Variants in UBR1 observed in about 807,000 individuals in gnomAD.
UBR1 encodes the protein ubiquitin protein ligase E3 component n-recognin 1.
Under a neutral mutation model 242.1 loss-of-function variants are expected in UBR1, and 102 were observed. That is an observed-to-expected ratio of 0.42 (90% confidence interval 0.36 to 0.50). The LOEUF (loss-of-function observed/expected upper bound fraction) is 0.50. Among genes scored for constraint, UBR1 ranks in the 20% least tolerant of loss-of-function variants. The pLI is 0.01. For synonymous variants in UBR1, 675 were observed against 684.8 expected (o/e 0.99, Z 0.22); for missense variants, 1,772 against 2,101.8 (o/e 0.84, Z 3.07).
chr15:43,054,744 T>C lies in UBR1; in HGVS notation c.1437A>G (p.Leu479=). 6.2e-7 allele frequency: 1 copy of C among 1,614,084 alleles called. No homozygotes were observed. Among genetic ancestry groups the C allele is most frequent in the Non-Finnish European group, 8.5e-7 (1 of 1,179,996 alleles). The change falls in exon 12 of 47, where the codon CTA becomes CTG. Residue 479 remains leucine (L), a splice_region_variant and synonymous_variant. Coordinates refer to ENST00000290650, the MANE Select transcript of UBR1 (RefSeq NM_174916.3). Reference sequence around the variant, plus strand: ...ACCTTTTGACTTGAACAACTTACTTTAGGTCACATATTACTGCATATACTC... The same window carrying C: ...ACCTTTTGACTTGAACAACTTACTTCAGGTCACATATTACTGCATATACTC... ...LGRVYAVICD[L]KYILISKPTI...
chr15:42,946,381 C>T (rs2141245979), intron 46 of UBR1, among the ~76,000 whole-genome samples: 1 of 152,280 alleles, frequency 6.6e-6, no homozygotes, highest in Non-Finnish European at 1.5e-5. Context: ...CCGCCTCGGC[C>T]TCCCAAAGTG....
chr15:43,034,888 CAAAA>C (rs201319494), intron 19 of UBR1, among the ~76,000 whole-genome samples: 119 of 91,716 alleles, frequency 1.3e-3, no homozygotes, highest in African/African-American at 2.2e-3. Context: ...ACGCCATCTC[CAAAA>C]AAAAAAAAAA....
In UBR1 at chr15:42,977,682, CT is replaced by C. The variant is rs201655415; in HGVS notation, c.4218+197del. Among the ~76,000 whole-genome samples the C allele has an allele frequency of 0.066, 8,162 of 124,034 alleles. 338 individuals are homozygous for C. The highest frequency in any genetic ancestry group is 0.14 in the African/African-American group (4,906 of 34,384). The allele number at this position is 124,034 out of a possible 152,430, so 81.4% of individuals were successfully genotyped here. A position where few individuals can be genotyped will look rare whatever the true frequency, so the allele number is the denominator to read the frequency against. ...ACAAGACCTATTACAAATTGAAGTG[CT>C]TTTTTTTTTTTTTTTTAATGATTTT... On this transcript the variant is annotated intron_variant, in intron 38 of 46. Transcript: ENST00000290650.
Position 42,999,927 on chromosome 15 carries a change from T to C in UBR1, c.3660-1662A>G, listed in dbSNP as rs529627271. Reference sequence around the variant, plus strand: ...CAAAGGTAAAATATATAATGAACTGTGCCAAAATTTACCTATCTGGGCACA... The same window carrying C: ...CAAAGGTAAAATATATAATGAACTGCGCCAAAATTTACCTATCTGGGCACA... On this transcript the variant is annotated intron_variant, in intron 32 of 46. Coordinates refer to ENST00000290650, the MANE Select transcript of UBR1 (RefSeq NM_174916.3). Among the ~76,000 whole-genome samples, 3 of 152,288 alleles carry C rather than the reference T, an allele frequency of 2.0e-5. No homozygotes were observed. In the South Asian group the frequency reaches 6.2e-4, roughly 32 times the overall value.
intron 39 of UBR1, among the ~76,000 whole-genome samples, chr15:42,974,045 C>A (rs868851064): frequency 6.6e-6 from 1 of 151,864 alleles, no homozygotes; most frequent in East Asian, 1.9e-4. Context: ...CCCGCCACCA[C>A]GCCCAGCTAA....
At chr15:43,074,740 A>G (rs1192415869) in intron 4 of UBR1, among the ~76,000 whole-genome samples, 3 of 152,200 alleles carry the variant, frequency 2.0e-5, no homozygotes, top group African/African-American at 7.2e-5. Context: ...TTATGTATCA[A>G]GTTGATTGCT....
intron 6 of UBR1, among the ~76,000 whole-genome samples, chr15:43,067,532 A>G (rs975065525): frequency 6.6e-6 from 1 of 152,200 alleles, no homozygotes. Flanking sequence ...TACTCTAAAA[A>G]TAATTTAAAT....
intron 12 of UBR1, among the ~76,000 whole-genome samples, chr15:43,050,328 G>A (rs1215860103): frequency 2.0e-5 from 3 of 152,030 alleles, no homozygotes; most frequent in Non-Finnish European, 4.4e-5. Flanking sequence ...CAACAGAATG[G>A]GAGAAAATTT....
rs1230940611 is a variant in UBR1 at position 43,025,373 on chromosome 15, CT to C, written c.2584+7del. 7 of 1,607,036 alleles carry C rather than the reference CT, an allele frequency of 4.4e-6. No homozygotes were observed. The African/African-American group carries it at 8.0e-5, about 18-fold the overall frequency. On this transcript the variant is annotated splice_region_variant and intron_variant, in intron 24 of 46. Transcript: ENST00000290650. The stretch of plus-strand genomic sequence containing the variant: ...CAAAATGAGTCAATTCAGAATCTCA[CT>C]TTTTACCTTCATCTTTGTTTTCTTG...
chr15:43,082,006 TATA>T (rs1216147831), intron 3 of UBR1, among the ~76,000 whole-genome samples: 1 of 152,102 alleles, frequency 6.6e-6, no homozygotes, highest in Non-Finnish European at 1.5e-5. Flanking sequence ...AAGCACAATG[TATA>T]ATTTTATATA....
chr15:43,085,879 C>T, intron 2 of UBR1, 105 bp downstream of exon 2: 2 of 1,258,170 alleles, frequency 1.6e-6, no homozygotes, highest in East Asian at 2.6e-5. Flanking sequence ...GGAGATCGCA[C>T]CACTGCACTC....
At chr15:42,985,943 C>G (rs2032451706) in intron 35 of UBR1, among the ~76,000 whole-genome samples, 1 of 140,380 alleles carries the variant, frequency 7.1e-6, no homozygotes, top group African/African-American at 2.7e-5. Context: ...TGAGCCATAA[C>G]TGCACCACTG....
chr15:42,946,452 T>C (rs999696746), intron 46 of UBR1, among the ~76,000 whole-genome samples: 2 of 152,104 alleles, frequency 1.3e-5, no homozygotes, highest in African/African-American at 2.4e-5. Flanking sequence ...ACTGCCAAAT[T>C]AATGTTAAAA....
chr15:43,083,410 A>T (rs934311665), intron 2 of UBR1, among the ~76,000 whole-genome samples: 11 of 152,118 alleles, frequency 7.2e-5, no homozygotes, highest in Non-Finnish European at 1.2e-4. Flanking sequence ...TCACTCTGTC[A>T]CCCAGGATGG....
At chr15:43,058,102 G>T (rs1474023998) in intron 10 of UBR1, among the ~76,000 whole-genome samples, 3 of 151,934 alleles carry the variant, frequency 2.0e-5, no homozygotes, top group Admixed American at 6.6e-5. Flanking sequence ...TAGAGACGGG[G>T]TTTCACCGTG....
intron 1 of UBR1, among the ~76,000 whole-genome samples, chr15:43,099,719 C>G (rs1173980409): frequency 6.6e-6 from 1 of 152,104 alleles, no homozygotes. Context: ...AAACTAGATA[C>G]AGCTGTGAAC....
At chr15:43,091,818 G>C (rs1216460752) in intron 1 of UBR1, 1 of 309,026 alleles carries the variant, frequency 3.2e-6, no homozygotes, top group African/African-American at 2.4e-5. Context: ...TGTAATCCCA[G>C]CTACTCAGGA....
intron 29 of UBR1, among the ~76,000 whole-genome samples, chr15:43,011,663 C>T (rs549302450): frequency 4.6e-5 from 7 of 152,232 alleles, no homozygotes; most frequent in Admixed American, 2.6e-4. Context: ...AAATTAGGCA[C>T]GTATATACAC....
At chr15:43,004,653 T>C (rs1567121943) in intron 30 of UBR1, among the ~76,000 whole-genome samples, 2 of 152,242 alleles carry the variant, frequency 1.3e-5, no homozygotes, top group Non-Finnish European at 2.9e-5. Context: ...GGTGCCGGGA[T>C]TGCAGACGGA....
Sources: allele counts gnomAD v4.1 joint callset (sites outside exome capture counted in the v4.1 genomes callset), GRCh38; gene constraint gnomAD v4.1.1; transcripts MANE v1.5; gene names NCBI Gene and HGNC (gene_info 2026-07-23, HGNC 2026-07-21).